The following TGIF1 variants were observed in gnomAD, a reference collection of about 807,000 sequenced individuals.
The protein encoded by TGIF1 is homeobox protein TGIF1.
In TGIF1, 4 loss-of-function variants were observed where a neutral mutation model predicts 19.3. That is an observed-to-expected ratio of 0.21 (90% CI 0.10 to 0.47). TGIF1 has a LOEUF of 0.47. Ranked by LOEUF, TGIF1 falls within the 20% of genes least tolerant of loss-of-function variation. The pLI, the probability that TGIF1 is intolerant of heterozygous loss-of-function variation, is 0.98. For missense variants in TGIF1, 275 were observed against 341.4 expected, an observed-to-expected ratio of 0.81 and a Z score of 1.53; for synonymous variants, 122 against 129.3, an observed-to-expected ratio of 0.94 and a Z score of 0.38.
Position 3,456,250 on chromosome 18 carries a change from T to C in TGIF1, c.17-104T>C, listed in dbSNP as rs2049349708. The C allele has an allele frequency of 9.1e-7, 1 of 1,104,526 alleles. No individual in the cohort carries two copies. The highest frequency in any genetic ancestry group is 1.4e-6 in the Non-Finnish European group (1 of 719,150). 68.4% of individuals were successfully genotyped at this position (1,104,526 alleles called of 1,614,324 possible). ...CACTGCTCCTTCTCCTCGCTCTCAGTTGTTGGGAAAGCATGGTTACATTGA... is the reference window on the plus strand; with the variant it reads ...CACTGCTCCTTCTCCTCGCTCTCAGCTGTTGGGAAAGCATGGTTACATTGA... On this transcript the variant is annotated intron_variant, in intron 1 of 2. Coordinates refer to ENST00000343820, the MANE Select transcript of TGIF1 (RefSeq NM_003244.4). This position sits in a 1 kb window ranked among gnomAD's most constrained non-coding sequence, Gnocchi z 4.2.
At position 3,457,457 on chromosome 18, in the gene TGIF1, C is replaced by T. The variant is rs1050859314; in HGVS notation, c.336C>T (p.Arg112=). The T allele has an allele frequency of 1.6e-5, 26 of 1,614,106 alleles. No homozygotes were observed. The highest frequency in any genetic ancestry group is 2.2e-5 in the Non-Finnish European group (26 of 1,180,058). ...GKDPNQFTIS[R]RGAKISETSS... ...ATCCAAATCAGTTCACAATTTCCCG[C>T]CGTGGGGCCAAGATTTCTGAAACGA... The change falls in exon 3 of 3, where the codon CGC becomes CGT. Residue 112 remains arginine, a synonymous_variant. Coordinates refer to ENST00000343820, the MANE Select transcript of TGIF1 (RefSeq NM_003244.4). The surrounding 1 kb of genome is among the most constrained non-coding windows in gnomAD (Gnocchi z 4.9).
chr18:3,447,849 A>G (rs1283584346), upstream of TGIF1: 4 of 1,604,178 alleles, frequency 2.5e-6, no homozygotes, highest in Admixed American at 1.7e-5. Flanking sequence ...GAGGCTTTCA[A>G]TTGTCTCCGC....
intron 2 of TGIF1, among the ~76,000 whole-genome samples, chr18:3,440,969 CAACTT>C (rs1169856461): frequency 2.6e-5 from 4 of 152,168 alleles, no homozygotes; most frequent in South Asian, 2.1e-4. Flanking sequence ...TTAAATAAAA[CAACTT>C]AACATCTATT....
chr18:3,442,451 A>C (rs886718172), intron 2 of TGIF1, among the ~76,000 whole-genome samples: 2 of 152,152 alleles, frequency 1.3e-5, no homozygotes, highest in Non-Finnish European at 2.9e-5. Flanking sequence ...TCTTGCATTT[A>C]TAATATTAGT....
At chr18:3,440,040 T>G (rs1598878807) in intron 2 of TGIF1, among the ~76,000 whole-genome samples, 1 of 148,806 alleles carries the variant, frequency 6.7e-6, no homozygotes, top group South Asian at 2.1e-4. Context: ...AAAAAAAAAG[T>G]ACTGATTTAG....
rs147736873 is a variant in TGIF1, at chr18:3,423,420, T to C, written c.-45+5205T>C. ...TAAGGCTGAGCGCAGTGGCTCACGC[T>C]TGTAATCCCAGCACTTTGGGAGGCC... On this transcript the variant is annotated intron_variant, in intron 2 of 3. Transcript: ENST00000401449. Among the ~76,000 whole-genome samples the C allele has an allele frequency of 1.1e-3, 171 of 152,036 alleles. 1 individual carries two copies. The highest frequency in any genetic ancestry group is 6.8e-3 in the Middle Eastern group (2 of 294).
chr18:3,422,822 C>A (rs1019185399), intron 2 of TGIF1, among the ~76,000 whole-genome samples: 1 of 151,056 alleles, frequency 6.6e-6, no homozygotes, highest in Admixed American at 6.7e-5. Flanking sequence ...TCCTGAGTAG[C>A]TGGGACTACA....
upstream of TGIF1, among the ~76,000 whole-genome samples, chr18:3,445,768 A>G (rs1568041693): frequency 7.6e-6 from 1 of 131,706 alleles, no homozygotes; most frequent in African/African-American, 2.9e-5. Context: ...AGAAAAGCAA[A>G]AAAAAAAAAA....
In TGIF1 at chr18:3,451,538, CG is replaced by C. The variant is rs1003978531; in HGVS notation, c.16+1036del. ...AGAAGTTAATCACTCGGGAAGCGGACGGGAGGGGCGGCGCTACTGCGCATGC... is the reference window on the plus strand; with the variant it reads ...AGAAGTTAATCACTCGGGAAGCGGACGGAGGGGCGGCGCTACTGCGCATGC... On this transcript the variant is annotated intron_variant, in intron 1 of 2. Coordinates refer to ENST00000343820, the MANE Select transcript of TGIF1 (RefSeq NM_003244.4). The surrounding 1 kb of genome is among the most constrained non-coding windows in gnomAD (Gnocchi z 5.4). The C allele has an allele frequency of 2.1e-5, 21 of 1,005,642 alleles. No individual in the cohort carries two copies. The highest frequency in any genetic ancestry group is 5.2e-5 in the African/African-American group (3 of 57,880). 62.3% of individuals were successfully genotyped at this position (1,005,642 alleles called of 1,614,324 possible). A position where few individuals can be genotyped will look rare whatever the true frequency, so the allele number is the denominator to read the frequency against.
In TGIF1 at chr18:3,450,213, A is replaced by G; in HGVS notation, c.-277A>G. The G allele has an allele frequency of 2.1e-6, 3 of 1,398,442 alleles. No homozygotes were observed. Among genetic ancestry groups the G allele is most frequent in the Non-Finnish European group, 2.8e-6 (3 of 1,078,396 alleles). 86.6% of individuals were successfully genotyped at this position (1,398,442 alleles called of 1,614,324 possible). A position where few individuals can be genotyped will look rare whatever the true frequency, so the allele number is the denominator to read the frequency against. ...GGTGCGCCGAGCAGGAGCAGGGAAC[A>G]AAGGAGCGGAGAGGGGAGGGGAGAG... On this transcript the variant is annotated 5_prime_UTR_variant, in exon 1 of 3. Coordinates refer to ENST00000343820, the MANE Select transcript of TGIF1 (RefSeq NM_003244.4).
At chr18:3,447,500 A>G, upstream of TGIF1, 1 of 607,598 alleles carries the variant, frequency 1.6e-6, no homozygotes, top group African/African-American at 1.8e-5. Context: ...AATTGCTGGT[A>G]TCTGAAGCCC....
chr18:3,440,992 T>A (rs1319472365), intron 2 of TGIF1, among the ~76,000 whole-genome samples: 1 of 152,232 alleles, frequency 6.6e-6, no homozygotes, highest in African/African-American at 2.4e-5. Context: ...ATTAATAATC[T>A]TTCCATGTCA....
rs2082959827 is a variant in TGIF1 at position 3,451,995 on chromosome 18, A to G, written c.16+1490A>G. ...TGTTTCGAGGATGGTTCTAGCGCAGAGCCGGGTGTCTGCCGGGGTGGGCTC... is the reference window on the plus strand; with the variant it reads ...TGTTTCGAGGATGGTTCTAGCGCAGGGCCGGGTGTCTGCCGGGGTGGGCTC... On this transcript the variant is annotated intron_variant, in intron 1 of 2. Transcript: ENST00000343820. The surrounding 1 kb of genome is among the most constrained non-coding windows in gnomAD (Gnocchi z 5.4). 6.2e-7 allele frequency: 1 copy of G among 1,600,750 alleles called. No individual in the cohort carries two copies. Among genetic ancestry groups the G allele is most frequent in the African/African-American group, 1.3e-5 (1 of 74,810 alleles).
chr18:3,458,605 T>C lies in TGIF1; in HGVS notation c.*665T>C, dbSNP rs898539667. On this transcript the variant is annotated 3_prime_UTR_variant, in exon 3 of 3. Coordinates refer to ENST00000343820, the MANE Select transcript of TGIF1 (RefSeq NM_003244.4). The stretch of plus-strand genomic sequence containing the variant: ...TGATATTTACTCTTGATAGGAGGCA[T>C]AGCAGGCCCTTAGAGCTTTACTTAA... 3.9e-5 allele frequency: 6 copies of C among 154,392 alleles called. No individual in the cohort carries two copies. The highest frequency in any genetic ancestry group is 1.4e-4 in the African/African-American group (6 of 41,462). The allele number at this position is 154,392 out of a possible 1,614,324, so 9.6% of individuals were successfully genotyped here. A position where few individuals can be genotyped will look rare whatever the true frequency, so the allele number is the denominator to read the frequency against.
At chr18:3,427,770 T>A (rs998709052) in intron 2 of TGIF1, among the ~76,000 whole-genome samples, 1 of 152,118 alleles carries the variant, frequency 6.6e-6, no homozygotes, top group Non-Finnish European at 1.5e-5. Flanking sequence ...TGGCTAATTT[T>A]TATATTTTTA....
intron 2 of TGIF1, among the ~76,000 whole-genome samples, chr18:3,434,755 C>T (rs2082593648): frequency 6.6e-6 from 1 of 152,048 alleles, no homozygotes; most frequent in Admixed American, 6.6e-5. Flanking sequence ...TGAGCAGGCT[C>T]AGGAGGTAAA....
At chr18:3,434,756 A>G (rs532029289) in intron 2 of TGIF1, among the ~76,000 whole-genome samples, 2 of 152,172 alleles carry the variant, frequency 1.3e-5, no homozygotes, top group African/African-American at 2.4e-5. Flanking sequence ...GAGCAGGCTC[A>G]GGAGGTAAAC....
intron 2 of TGIF1, among the ~76,000 whole-genome samples, chr18:3,443,753 G>A (rs1319342189): frequency 6.6e-6 from 1 of 151,830 alleles, no homozygotes; most frequent in Non-Finnish European, 1.5e-5. Flanking sequence ...GGCTGGTCTC[G>A]AACTCCTGAC....
Position 3,458,203 on chromosome 18 carries a change from G to T in TGIF1, c.*263G>T. 1 of 424,396 alleles carries T rather than the reference G, an allele frequency of 2.4e-6. No individual in the cohort carries two copies. The highest frequency in any genetic ancestry group is 4.1e-6 in the Non-Finnish European group (1 of 246,140). The allele number at this position is 424,396 out of a possible 1,614,324, so 26.3% of individuals were successfully genotyped here. A position where few individuals can be genotyped will look rare whatever the true frequency, so the allele number is the denominator to read the frequency against. On this transcript the variant is annotated 3_prime_UTR_variant, in exon 3 of 3. Coordinates refer to ENST00000343820, the MANE Select transcript of TGIF1 (RefSeq NM_003244.4). ...TGTGAGATGGTTCCCAATATCATGT[G>T]ATTTTTTTTTTCCTCCCCTTCCCTT...
Sources: allele counts gnomAD v4.1 joint callset (sites outside exome capture counted in the v4.1 genomes callset), GRCh38; gene constraint gnomAD v4.1.1; non-coding constraint Gnocchi (gnomAD v3.1); transcripts MANE v1.5; gene names NCBI Gene and HGNC (gene_info 2026-07-23, HGNC 2026-07-21).